The following CAMSAP1 variants were observed in gnomAD, a reference collection of about 807,000 sequenced individuals.
CAMSAP1 encodes calmodulin-regulated spectrin-associated protein 1.
In CAMSAP1, 58 loss-of-function variants were observed where a neutral mutation model predicts 143.5. That is an observed-to-expected ratio of 0.40 (90% CI 0.33 to 0.50). The LOEUF (loss-of-function observed/expected upper bound fraction) is 0.50, where lower values mean the gene tolerates loss of function less well. Among genes scored for constraint, CAMSAP1 ranks in the 20% least tolerant of loss-of-function variants. CAMSAP1 has a pLI of 0.45. For synonymous variants in CAMSAP1, 945 were observed against 859.3 expected (o/e 1.10, Z -1.74); for missense variants, 1,969 against 2,115.7 (o/e 0.93, Z 1.36).
In CAMSAP1 at chr9:135,836,553, C is replaced by T. The variant is rs1466317939; in HGVS notation, c.1046-8969G>A. 58 of 982,056 alleles carry T rather than the reference C, an allele frequency of 5.9e-5. No individual in the cohort carries two copies. In the Admixed American group the frequency reaches 3.3e-3, roughly 56 times the overall value. 60.8% of individuals were successfully genotyped at this position (982,056 alleles called of 1,614,324 possible). On this transcript the variant is annotated intron_variant, in intron 7 of 16. Coordinates refer to ENST00000389532, the MANE Select transcript of CAMSAP1 (RefSeq NM_015447.4). ...CCACACAGTCATGTACCTTCTACCC[C>T]GTTCTACAGACACACATCACCACAC...
intron 1 of CAMSAP1, among the ~76,000 whole-genome samples, chr9:135,905,215 G>C (rs1290190330): frequency 1.3e-5 from 2 of 152,312 alleles, no homozygotes; most frequent in East Asian, 3.9e-4. Flanking sequence ...GAGTGACCTG[G>C]TACCGGAAGT....
Position 135,884,359 on chromosome 9 carries a change from C to G in CAMSAP1, c.161-1281G>C, listed in dbSNP as rs145467581. ...GGCGATGGTTCCCCACAGCACCCCTCTCTCTCTGCTGCCATCTCTTCTGGC... is the reference window on the plus strand; with the variant it reads ...GGCGATGGTTCCCCACAGCACCCCTGTCTCTCTGCTGCCATCTCTTCTGGC... On this transcript the variant is annotated intron_variant, in intron 1 of 16. Transcript: ENST00000389532. Among the ~76,000 whole-genome samples the G allele has an allele frequency of 6.8e-3, 1,029 of 152,270 alleles. 6 individuals are homozygous for G. Among genetic ancestry groups the G allele is most frequent in the African/African-American group, 0.022 (931 of 41,554 alleles).
intron 7 of CAMSAP1, among the ~76,000 whole-genome samples, chr9:135,845,656 A>C (rs1489921913): frequency 6.6e-6 from 1 of 152,256 alleles, no homozygotes; most frequent in African/African-American, 2.4e-5. Flanking sequence ...GCTGATAAGC[A>C]ACTTCAGCAA....
intron 1 of CAMSAP1, among the ~76,000 whole-genome samples, chr9:135,887,095 T>C (rs941305265): frequency 5.3e-5 from 8 of 151,966 alleles, no homozygotes; most frequent in Non-Finnish European, 1.2e-4. Flanking sequence ...TACACAGCCA[T>C]CGATGCCCAG....
chr9:135,819,820 C>G (rs1424734549), intron 11 of CAMSAP1, among the ~76,000 whole-genome samples: 5 of 151,592 alleles, frequency 3.3e-5, no homozygotes, highest in Admixed American at 1.3e-4. Flanking sequence ...TTACTCCAGC[C>G]TGGGCGACAG....
At chr9:135,897,965 T>G (rs749161716) in intron 1 of CAMSAP1, among the ~76,000 whole-genome samples, 1 of 152,050 alleles carries the variant, frequency 6.6e-6, no homozygotes, top group Non-Finnish European at 1.5e-5. Context: ...AAAAAATACC[T>G]AGAACTGAAT....
At chr9:135,817,156 G>A (rs1835259268) in intron 14 of CAMSAP1, among the ~76,000 whole-genome samples, 1 of 152,184 alleles carries the variant, frequency 6.6e-6, no homozygotes, top group Non-Finnish European at 1.5e-5. Context: ...ACAGGGACAT[G>A]GCATTTCAAG....
At chr9:135,873,206 T>C (rs1837624245) in intron 3 of CAMSAP1, among the ~76,000 whole-genome samples, 1 of 152,160 alleles carries the variant, frequency 6.6e-6, no homozygotes, top group Admixed American at 6.5e-5. Flanking sequence ...ATCTGAAAAT[T>C]AAACATCTGA....
In CAMSAP1 at chr9:135,831,323, C is replaced by G. The variant is rs887026899; in HGVS notation, c.1046-3739G>C. Among the ~76,000 whole-genome samples, 9 of 151,910 alleles carry G rather than the reference C, an allele frequency of 5.9e-5. 1 individual carries two copies. Among genetic ancestry groups the G allele is most frequent in the African/African-American group, 2.2e-4 (9 of 41,358 alleles). On this transcript the variant is annotated intron_variant, in intron 7 of 16. Transcript: ENST00000389532. ...GCGGAATACAACATACCAAAACTTG[C>G]ATGATGCAGTGTTAACAAGGAAGTC...
chr9:135,868,343 ATGCACCTG>A (rs1239404530), intron 3 of CAMSAP1, among the ~76,000 whole-genome samples: 1 of 152,190 alleles, frequency 6.6e-6, no homozygotes, highest in African/African-American at 2.4e-5. Context: ...ACCTCGGGAC[ATGCACCTG>A]TGCACCTGAC....
intron 1 of CAMSAP1, among the ~76,000 whole-genome samples, chr9:135,897,400 T>C (rs112537971): frequency 0.035 from 5,350 of 152,166 alleles, 114 homozygotes; most frequent in Non-Finnish European, 0.051. Flanking sequence ...GCTATCCTCC[T>C]ACCTCAGCTT....
At chr9:135,894,442 T>C (rs911811623) in intron 1 of CAMSAP1, among the ~76,000 whole-genome samples, 9 of 151,926 alleles carry the variant, frequency 5.9e-5, no homozygotes, top group African/African-American at 2.2e-4. Flanking sequence ...GGCAGGGGTG[T>C]AAAACAAACA....
intron 1 of CAMSAP1, among the ~76,000 whole-genome samples, chr9:135,896,186 TTAAG>T (rs1838445249): frequency 6.6e-6 from 1 of 151,904 alleles, no homozygotes; most frequent in African/African-American, 2.4e-5. Flanking sequence ...ATTCAACAAC[TTAAG>T]TAGGTTAAAA....
chr9:135,821,401 T>A lies in CAMSAP1; in HGVS notation c.3260A>T (p.His1087Leu). 6.2e-7 allele frequency: 1 copy of A among 1,613,942 alleles called. No homozygotes were observed. Among genetic ancestry groups the A allele is most frequent in the South Asian group, 1.1e-5 (1 of 91,082 alleles). ...EPLSPTGVAG[H>L]RKAPRLGQGR... is the part of the protein sequence containing the mutation. ...TTGACCCAGCCGGGGGGCTTTGCGG[T>A]GGCCAGCCACGCCCGTGGGAGAGAG... Residue 1087 changes from histidine to leucine, a missense_variant, in exon 11 of 17, where the codon CAC becomes CTC. Coordinates refer to ENST00000389532, the MANE Select transcript of CAMSAP1 (RefSeq NM_015447.4). This position sits in a 1 kb window ranked among gnomAD's most constrained non-coding sequence, Gnocchi z 4.6.
intron 1 of CAMSAP1, among the ~76,000 whole-genome samples, chr9:135,896,826 G>A (rs1357630629): frequency 6.6e-6 from 1 of 152,176 alleles, no homozygotes; most frequent in Non-Finnish European, 1.5e-5. Context: ...GTGGTGAGAG[G>A]TGGGGCCTTT....
At chr9:135,828,520 C>A (rs567689016) in intron 7 of CAMSAP1, among the ~76,000 whole-genome samples, 4 of 152,184 alleles carry the variant, frequency 2.6e-5, no homozygotes, top group Non-Finnish European at 5.9e-5. Context: ...AGAAGCTAAA[C>A]CCCCAACCCA....
intron 7 of CAMSAP1, among the ~76,000 whole-genome samples, chr9:135,841,002 G>A (rs1156898579): frequency 6.6e-6 from 1 of 152,108 alleles, no homozygotes; most frequent in East Asian, 1.9e-4. Context: ...AGGCAGAACT[G>A]TTCATTCCCC....
Position 135,822,038 on chromosome 9 carries a change from C to T in CAMSAP1, c.2623G>A (p.Ala875Thr), listed in dbSNP as rs761053976. 1 of 1,612,688 alleles carries T rather than the reference C, an allele frequency of 6.2e-7. No individual in the cohort carries two copies. Among genetic ancestry groups the T allele is most frequent in the Non-Finnish European group, 8.5e-7 (1 of 1,179,424 alleles). Residue 875 changes from alanine (A) to threonine (T), a missense_variant, in exon 11 of 17, where the codon GCA becomes ACA. Around this residue, in one of 4 missense-constraint regions of CAMSAP1, gnomAD observed 1,390 missense variants for 1,420.8 expected, o/e 0.98. Coordinates refer to ENST00000389532, the MANE Select transcript of CAMSAP1 (RefSeq NM_015447.4). The surrounding 1 kb of genome is among the most constrained non-coding windows in gnomAD (Gnocchi z 6.1). ...QHGKDPASLL[A>T]SELVQLHMQL... is the part of the protein sequence containing the mutation. ...ATGTGCAGCTGTACCAGCTCAGATGCCAGGAGGCTGGCGGGATCCTTGCCA... is the reference window on the plus strand; with the variant it reads ...ATGTGCAGCTGTACCAGCTCAGATGTCAGGAGGCTGGCGGGATCCTTGCCA...
intron 14 of CAMSAP1, 180 bp downstream of exon 14, chr9:135,817,797 G>T: frequency 1.7e-6 from 1 of 595,198 alleles, no homozygotes; most frequent in Non-Finnish European, 3.0e-6. Context: ...AACCAGCTGG[G>T]GAGCCCGTGT....
Sources: gnomAD v4.1 joint callset for allele counts (sites outside exome capture counted in the v4.1 genomes callset) on GRCh38, gnomAD v4.1.1 for gene constraint, gnomAD v4.1.1 regional missense constraint, Gnocchi (gnomAD v3.1) non-coding constraint, MANE v1.5 for transcripts, NCBI Gene and HGNC (gene_info 2026-07-23, HGNC 2026-07-21) for gene names.